The following ACVR1 variants were observed in gnomAD, a reference collection of about 807,000 sequenced individuals.
ACVR1 encodes activin A receptor type 1, also known as activin receptor type-1.
Under a neutral mutation model 57.1 loss-of-function variants are expected in ACVR1, and 38 were observed. The ratio of observed to expected loss-of-function variants is 0.67; its 90% confidence interval spans 0.51 to 0.87. The LOEUF (loss-of-function observed/expected upper bound fraction) is 0.87. Ranked by LOEUF, ACVR1 falls within the 40% of genes least tolerant of loss-of-function variation. The pLI is 0.00. For missense variants in ACVR1, 463 were observed against 638.2 expected (o/e 0.73, Z 2.96); for synonymous variants, 212 against 228.1 (o/e 0.93, Z 0.63).
chr2:157,850,152 G>A (rs1476514557), intron 1 of ACVR1, among the ~76,000 whole-genome samples: 1 of 152,174 alleles, frequency 6.6e-6, no homozygotes, highest in Non-Finnish European at 1.5e-5. Flanking sequence ...CACTTTAGGA[G>A]GCTGAGGTGG....
chr2:157,753,861 CA>C (rs1685308616), intron 9 of ACVR1, among the ~76,000 whole-genome samples: 1 of 152,102 alleles, frequency 6.6e-6, no homozygotes, highest in Non-Finnish European at 1.5e-5. Flanking sequence ...TGATAGGCCA[CA>C]AAACAAGTCT....
At chr2:157,764,734 T>C (rs1474886434) in intron 8 of ACVR1, among the ~76,000 whole-genome samples, 1 of 152,120 alleles carries the variant, frequency 6.6e-6, no homozygotes, top group Admixed American at 6.6e-5. Context: ...CAAATCGCCC[T>C]GGCTCTAAGA....
At position 157,775,034 on chromosome 2, in the gene ACVR1, C is replaced by T. The variant is rs1686227252; in HGVS notation, c.544-847G>A. Among the ~76,000 whole-genome samples, 2 of 152,280 alleles carry T rather than the reference C, an allele frequency of 1.3e-5. 1 individual carries two copies. Among genetic ancestry groups the T allele is most frequent in the East Asian group, 3.9e-4 (2 of 5,178 alleles). On this transcript the variant is annotated intron_variant, in intron 5 of 10. Coordinates refer to ENST00000434821, the MANE Select transcript of ACVR1 (RefSeq NM_001111067.4). ...GAACAAACAAACTAGGAATAAGGAA[C>T]AAACAACTCTAATGTGATTTGTAAC...
intron 9 of ACVR1, among the ~76,000 whole-genome samples, chr2:157,741,263 A>G (rs767943794): frequency 3.9e-5 from 6 of 152,086 alleles, no homozygotes; most frequent in African/African-American, 7.2e-5. Context: ...TTCTACTTTC[A>G]CTTGTGAGAT....
intron 3 of ACVR1, among the ~76,000 whole-genome samples, chr2:157,784,761 G>T (rs543621514): frequency 3.3e-5 from 5 of 152,222 alleles, no homozygotes; most frequent in Non-Finnish European, 7.3e-5. Flanking sequence ...ACCATGGCCA[G>T]CTCTTTAAAA....
intron 2 of ACVR1, among the ~76,000 whole-genome samples, chr2:157,811,545 C>T (rs138252473): frequency 6.6e-6 from 1 of 152,274 alleles, no homozygotes; most frequent in African/African-American, 2.4e-5. Context: ...ACATTCTACC[C>T]CCAGTTTCAA....
intron 2 of ACVR1, among the ~76,000 whole-genome samples, chr2:157,810,441 G>C (rs1259652530): frequency 1.3e-5 from 2 of 152,168 alleles, no homozygotes; most frequent in African/African-American, 4.8e-5. Flanking sequence ...GGCCAGAAAG[G>C]CCCAATAAGA....
intron 3 of ACVR1, among the ~76,000 whole-genome samples, chr2:157,782,356 T>C (rs1405721021): frequency 1.3e-5 from 2 of 152,098 alleles, no homozygotes; most frequent in Non-Finnish European, 1.5e-5. Flanking sequence ...AAATCCAAAA[T>C]AGCCGCTGAC....
chr2:157,872,300 T>A (rs546115413), intron 1 of ACVR1, among the ~76,000 whole-genome samples: 1 of 152,248 alleles, frequency 6.6e-6, no homozygotes, highest in Non-Finnish European at 1.5e-5. Context: ...TAACATTTCA[T>A]CCAGGCCCTG....
chr2:157,807,854 T>G (rs1174012801), intron 2 of ACVR1, among the ~76,000 whole-genome samples: 3 of 31,092 alleles, frequency 9.6e-5, no homozygotes, highest in Non-Finnish European at 1.4e-4. Flanking sequence ...TATAATAATT[T>G]GGGGGGGGGG....
At chr2:157,838,284 G>A (rs1461634419) in intron 1 of ACVR1, 3 of 152,108 alleles carry the variant, frequency 2.0e-5, no homozygotes, top group Non-Finnish European at 4.4e-5. Context: ...GCTTCAAAAA[G>A]GCAAGGTACT....
At chr2:157,811,090 T>G (rs1448492955) in intron 2 of ACVR1, among the ~76,000 whole-genome samples, 2 of 152,196 alleles carry the variant, frequency 1.3e-5, no homozygotes, top group African/African-American at 2.4e-5. Flanking sequence ...GGATGTGGTG[T>G]TGTGACCACC....
intron 8 of ACVR1, among the ~76,000 whole-genome samples, chr2:157,761,354 A>C (rs1685649410): frequency 6.6e-6 from 1 of 152,138 alleles, no homozygotes; most frequent in Admixed American, 6.5e-5. Context: ...CAATGCACTA[A>C]ACCAATGTGG....
chr2:157,833,205 G>A (rs1305162158), intron 1 of ACVR1, among the ~76,000 whole-genome samples: 1 of 152,268 alleles, frequency 6.6e-6, no homozygotes, highest in African/African-American at 2.4e-5. Flanking sequence ...TTCCTCCAGA[G>A]ACCAGTAAGT....
intron 1 of ACVR1, among the ~76,000 whole-genome samples, chr2:157,819,099 A>AAC (rs1688060393): frequency 6.6e-6 from 1 of 150,590 alleles, no homozygotes; most frequent in Non-Finnish European, 1.5e-5. Flanking sequence ...AAAAAAAAAA[A>AAC]AAAACCAGTA....
At chr2:157,853,776 A>G (rs1263638795) in intron 1 of ACVR1, among the ~76,000 whole-genome samples, 2 of 152,178 alleles carry the variant, frequency 1.3e-5, no homozygotes, top group African/African-American at 2.4e-5. Context: ...CTACAGTTCA[A>G]CTAAACTACC....
At chr2:157,827,493 C>T (rs1360603261) in intron 1 of ACVR1, among the ~76,000 whole-genome samples, 1 of 152,096 alleles carries the variant, frequency 6.6e-6, no homozygotes, top group African/African-American at 2.4e-5. Context: ...AAGTGTTTGC[C>T]AGTCCTGTAA....
Position 157,762,010 on chromosome 2 carries a change from T to C in ACVR1, c.1067-933A>G, listed in dbSNP as rs533911144. Among the ~76,000 whole-genome samples, 46 of 152,338 alleles carry C rather than the reference T, an allele frequency of 3.0e-4. No homozygotes were observed. The South Asian group carries it at 5.6e-3, about 19-fold the overall frequency. ...TTGAATGTGGGGGATGACAATTTCA[T>C]ATAACATCAGGGAGCTAGCACACCT... On this transcript the variant is annotated intron_variant, in intron 8 of 10. Transcript: ENST00000434821.
rs948190259 is a variant in ACVR1, at chr2:157,780,330, T to C, written c.331+7A>G. On this transcript the variant is annotated splice_region_variant and intron_variant, in intron 4 of 10. Transcript: ENST00000434821. ...CTTGATCTAGAAATAGAAAAGTCCA[T>C]GGGAACCTTTAGTGGGCAGCTGGGC... 1.9e-6 allele frequency: 3 copies of C among 1,614,156 alleles called. No homozygotes were observed. The highest frequency in any genetic ancestry group is 1.7e-6 in the Non-Finnish European group (2 of 1,180,014).
Sources: gnomAD v4.1 joint callset for allele counts (sites outside exome capture counted in the v4.1 genomes callset) on GRCh38, gnomAD v4.1.1 for gene constraint, MANE v1.5 for transcripts, NCBI Gene and HGNC (gene_info 2026-07-23, HGNC 2026-07-21) for gene names.